The following TDRD9 variants were observed in gnomAD, a reference collection of about 807,000 sequenced individuals.
The protein encoded by TDRD9 is ATP-dependent RNA helicase TDRD9.
A neutral mutation model predicts 172.6 loss-of-function variants in TDRD9; 124 were observed. The observed-to-expected ratio is 0.72, with a 90% CI of 0.62 to 0.83. TDRD9 has a LOEUF of 0.83. TDRD9 is among the 40% of genes least tolerant of loss of function. The probability of loss-of-function intolerance (pLI) is 0.00; values close to 1 mark genes in which losing one functional copy is unlikely to be tolerated. For synonymous variants in TDRD9, 619 were observed against 617.1 expected (o/e 1.00, Z -0.05); for missense variants, 1,479 against 1,714.1 (o/e 0.86, Z 2.42).
At chr14:104,022,356 C>G (rs2034982346) in intron 24 of TDRD9, 26 bp downstream of exon 24, 1 of 1,600,108 alleles carries the variant, frequency 6.2e-7, no homozygotes, top group Non-Finnish European at 8.5e-7. Flanking sequence ...AGGTGGCAGA[C>G]AGGCCGTGCC....
chr14:104,005,429 C>T (rs1283033517), intron 15 of TDRD9, 24 bp downstream of exon 15: 1 of 1,613,472 alleles, frequency 6.2e-7, no homozygotes, highest in Non-Finnish European at 8.5e-7. Context: ...CTGGTTAGTA[C>T]TGTTGGCATC....
At chr14:104,029,191 T>C (rs1264135145) in intron 28 of TDRD9, among the ~76,000 whole-genome samples, 1 of 152,204 alleles carries the variant, frequency 6.6e-6, no homozygotes, top group Non-Finnish European at 1.5e-5. Context: ...ATATGAACTT[T>C]AGGATTGTTT....
At chr14:104,050,334 A>T (rs1473182179) in intron 35 of TDRD9, among the ~76,000 whole-genome samples, 1 of 152,000 alleles carries the variant, frequency 6.6e-6, no homozygotes, top group Non-Finnish European at 1.5e-5. Context: ...TCCAAATAAC[A>T]TCACAGTGGG....
rs773406232 is a variant in TDRD9 at position 104,026,754 on chromosome 14, G to T, written c.3097G>T (p.Ala1033Ser). 2 of 1,613,666 alleles carry T rather than the reference G, an allele frequency of 1.2e-6. No homozygotes were observed. The highest frequency in any genetic ancestry group is 1.7e-6 in the Non-Finnish European group (2 of 1,179,868). ...TTGTGGCAAGCACTGGAGTGACGGG[G>T]CCAGCCAGTGGTTCGCCTCTCTGGT... ...LVCGKHWSDG[A>S]SQWFASLVSG... The change falls in exon 28 of 36, where the codon GCC (alanine) becomes TCC (serine). Residue 1033 changes from alanine to serine, a missense_variant. By Grantham distance (99) the Ala-to-Ser change is moderately conservative. Coordinates refer to ENST00000409874, the MANE Select transcript of TDRD9 (RefSeq NM_153046.3).
intron 5 of TDRD9, 53 bp from the exon 6 acceptor site, chr14:103,970,488 T>A (rs76660542): frequency 0.027 from 35,622 of 1,323,514 alleles, 640 homozygotes; most frequent in East Asian, 0.063. Context: ...GTCAGCAGTG[T>A]CATGTGTGTT....
Position 104,028,409 on chromosome 14 carries a change from C to T in TDRD9, c.3282+1470C>T, listed in dbSNP as rs190938295. Among the ~76,000 whole-genome samples, 10 of 152,160 alleles carry T rather than the reference C, an allele frequency of 6.6e-5. No individual in the cohort carries two copies. The East Asian group carries it at 9.6e-4, about 15-fold the overall frequency. On this transcript the variant is annotated intron_variant, in intron 28 of 35. Transcript: ENST00000409874. Reference sequence around the variant, plus strand: ...AACTGGGGTGAGATGCTATCTCTCACGATGGTTTTGATTTGAATTTCCCTG... The same window carrying T: ...AACTGGGGTGAGATGCTATCTCTCATGATGGTTTTGATTTGAATTTCCCTG...
chr14:103,963,199 T>C, intron 3 of TDRD9, 23 bp downstream of exon 3: 1 of 1,497,932 alleles, frequency 6.7e-7, no homozygotes, highest in Non-Finnish European at 9.0e-7. Context: ...TGTTATACTG[T>C]AATTTTGCTG....
chr14:103,933,066 A>G (rs1326791094), intron 1 of TDRD9, among the ~76,000 whole-genome samples: 1 of 152,142 alleles, frequency 6.6e-6, no homozygotes. Flanking sequence ...TGTGGGGAAC[A>G]ATTTATAAAT....
chr14:104,035,452 C>A (rs1163240876), intron 32 of TDRD9, among the ~76,000 whole-genome samples: 1 of 152,186 alleles, frequency 6.6e-6, no homozygotes, highest in Admixed American at 6.5e-5. Flanking sequence ...CTTGTGGTAA[C>A]CATGACATCA....
At chr14:104,002,531 C>T (rs1166304312) in intron 13 of TDRD9, among the ~76,000 whole-genome samples, 3 of 152,056 alleles carry the variant, frequency 2.0e-5, no homozygotes, top group Non-Finnish European at 4.4e-5. Context: ...TTGACTACAC[C>T]TGGGCATTGG....
intron 4 of TDRD9, among the ~76,000 whole-genome samples, chr14:103,966,431 C>G (rs1211078386): frequency 6.6e-6 from 1 of 152,058 alleles, no homozygotes; most frequent in Non-Finnish European, 1.5e-5. Context: ...ATAATTTTAT[C>G]TTTTTAATTA....
At chr14:103,995,724 C>T in intron 11 of TDRD9, 26 bp from the exon 12 acceptor site, 2 of 1,571,578 alleles carry the variant, frequency 1.3e-6, no homozygotes, top group Non-Finnish European at 1.7e-6. Context: ...GTAGGAATGT[C>T]AGCTTTTTTC....
chr14:103,940,160 T>C (rs1439967056), intron 1 of TDRD9, among the ~76,000 whole-genome samples: 4 of 152,132 alleles, frequency 2.6e-5, no homozygotes, highest in Non-Finnish European at 5.9e-5. Context: ...ACAGTGAATG[T>C]TTTTCTTTGA....
At chr14:103,940,675 T>G in intron 1 of TDRD9, 1 of 617,744 alleles carries the variant, frequency 1.6e-6, no homozygotes, top group Non-Finnish European at 2.8e-6. Context: ...AGAACACTAT[T>G]TAAAACATAG....
intron 20 of TDRD9, 82 bp downstream of exon 20, chr14:104,008,548 G>A (rs1358377216): frequency 2.2e-6 from 2 of 914,284 alleles, no homozygotes; most frequent in Non-Finnish European, 3.6e-6. Context: ...TATTTATTAA[G>A]TACGTGGGTA....
At chr14:103,994,290 A>G (rs2033977126) in intron 9 of TDRD9, 42 bp from the exon 10 acceptor site, 1 of 1,571,214 alleles carries the variant, frequency 6.4e-7, no homozygotes, top group African/African-American at 1.4e-5. Context: ...AGCAGTAAAT[A>G]CAAACATGTT....
At position 103,935,566 on chromosome 14, in the gene TDRD9, G is replaced by A. The variant is rs182346475; in HGVS notation, c.215+6842G>A. Among the ~76,000 whole-genome samples, 17 of 152,300 alleles carry A rather than the reference G, an allele frequency of 1.1e-4. 1 individual carries two copies. The highest frequency in any genetic ancestry group is 2.9e-5 in the Non-Finnish European group (2 of 68,028). On this transcript the variant is annotated intron_variant, in intron 1 of 35. Transcript: ENST00000409874. ...CAGCAGTACATGTAGGTGGTCTGGA[G>A]TTGAGGAAGGAAGTCTGGCAGAGCT...
chr14:104,022,729 A>AAAAAAAAAAAAT (rs1209630995), intron 24 of TDRD9, among the ~76,000 whole-genome samples: 69 of 145,878 alleles, frequency 4.7e-4, no homozygotes, highest in Non-Finnish European at 3.1e-4. Flanking sequence ...GCTGTCTTAA[A>AAAAAAAAAAAAT]AAATAAATAA....
At chr14:103,956,142 ATATAT>A (rs2032224861) in intron 2 of TDRD9, among the ~76,000 whole-genome samples, 2 of 112,134 alleles carry the variant, frequency 1.8e-5, no homozygotes, top group African/African-American at 7.4e-5. Context: ...ATATATATAT[ATATAT>A]ATAATTATTA....
Sources: allele counts gnomAD v4.1 joint callset (sites outside exome capture counted in the v4.1 genomes callset), GRCh38; gene constraint gnomAD v4.1.1; transcripts MANE v1.5; gene names NCBI Gene and HGNC (gene_info 2026-07-23, HGNC 2026-07-21).